The following PCDH15 variants were observed in gnomAD, a reference collection of about 807,000 sequenced individuals.
PCDH15 encodes the protein protocadherin-15.
Under a neutral mutation model 178.5 loss-of-function variants are expected in PCDH15, and 129 were observed. That is an observed-to-expected ratio of 0.72 (90% confidence interval 0.63 to 0.84). The LOEUF (loss-of-function observed/expected upper bound fraction) is 0.84. Ranked by LOEUF, PCDH15 falls within the 40% of genes least tolerant of loss-of-function variation. The pLI is 0.00. For synonymous variants in PCDH15, 800 were observed against 732.0 expected (o/e 1.09, Z -1.50); for missense variants, 2,230 against 2,099.9 (o/e 1.06, Z -1.21).
chr10:54,459,546 T>G lies in PCDH15; in HGVS notation c.157+68266A>C, dbSNP rs560925417. Among the ~76,000 whole-genome samples the G allele has an allele frequency of 2.2e-3, 335 of 152,176 alleles. 2 individuals carry two copies. Among genetic ancestry groups the G allele is most frequent in the African/African-American group, 7.7e-3 (320 of 41,538 alleles). On this transcript the variant is annotated intron_variant, in intron 3 of 37. Coordinates refer to ENST00000644397, the MANE Select transcript of PCDH15 (RefSeq NM_001384140.1). The stretch of plus-strand genomic sequence containing the variant: ...CTTAGGTTATTTGGAGAAAAATGAC[T>G]TAATATAATTAGTCCCATAATGTAA...
chr10:53,824,808 A>ATCTATAAATAGGTTTCTATTTATAGATT (rs1220018903), intron 32 of PCDH15, among the ~76,000 whole-genome samples: 8 of 152,112 alleles, frequency 5.3e-5, no homozygotes, highest in Non-Finnish European at 1.2e-4. Context: ...ACTAAAAGAA[A>ATCTATAAATAGGTTTCTATTTATAGATT]TCTATAAATA....
intron 1 of PCDH15, among the ~76,000 whole-genome samples, chr10:54,711,500 C>T (rs533022911): frequency 6.6e-5 from 10 of 151,848 alleles, no homozygotes; most frequent in South Asian, 6.2e-4. Context: ...ATAAGGACAA[C>T]GTACAAAATC....
chr10:54,101,465 A>C (rs956550659), intron 15 of PCDH15, among the ~76,000 whole-genome samples: 4 of 152,218 alleles, frequency 2.6e-5, no homozygotes, highest in Non-Finnish European at 4.4e-5. Context: ...ATTCACAACT[A>C]ATACTTAGCA....
At chr10:54,022,435 T>TGTTATA (rs2092952663) in intron 19 of PCDH15, among the ~76,000 whole-genome samples, 1 of 150,076 alleles carries the variant, frequency 6.7e-6, no homozygotes, top group Non-Finnish European at 1.5e-5. Context: ...TACACATTTA[T>TGTTATA]GTTATATATG....
At chr10:53,886,927 T>C (rs1174467362) in intron 26 of PCDH15, among the ~76,000 whole-genome samples, 1 of 152,192 alleles carries the variant, frequency 6.6e-6, no homozygotes, top group Non-Finnish European at 1.5e-5. Context: ...TTGGGCTCTT[T>C]ATCAACGCCC....
intron 8 of PCDH15, among the ~76,000 whole-genome samples, chr10:54,308,139 T>TA (rs2060667585): frequency 6.6e-6 from 1 of 152,098 alleles, no homozygotes; most frequent in Non-Finnish European, 1.5e-5. Context: ...CAAACTATCT[T>TA]ACGCTGTGAT....
intron 23 of PCDH15, among the ~76,000 whole-genome samples, chr10:53,957,327 CAA>C (rs974499860): frequency 2.6e-5 from 4 of 152,002 alleles, no homozygotes; most frequent in African/African-American, 7.2e-5. Flanking sequence ...TAGTGAGAAA[CAA>C]AGTGAGTTTA....
chr10:54,437,988 C>T (rs761505822), intron 3 of PCDH15, among the ~76,000 whole-genome samples: 2 of 152,162 alleles, frequency 1.3e-5, no homozygotes, highest in South Asian at 2.1e-4. Flanking sequence ...AATTTCCAAA[C>T]ACACTTTCAA....
chr10:55,587,640 AAGG>A (rs1480728737), intron 2 of PCDH15, among the ~76,000 whole-genome samples: 1 of 152,206 alleles, frequency 6.6e-6, no homozygotes, highest in Non-Finnish European at 1.5e-5. Context: ...TTAAAAGAAA[AAGG>A]AGACTTCTCA....
At chr10:54,583,495 GA>G (rs2091217412) in intron 2 of PCDH15, among the ~76,000 whole-genome samples, 1 of 151,934 alleles carries the variant, frequency 6.6e-6, no homozygotes, top group African/African-American at 2.4e-5. Flanking sequence ...TATAAGGAGA[GA>G]GATATGCTAG....
At chr10:54,383,664 T>TGTG (rs71007843) in intron 3 of PCDH15, among the ~76,000 whole-genome samples, 40 of 150,028 alleles carry the variant, frequency 2.7e-4, no homozygotes, top group Non-Finnish European at 3.9e-4. Flanking sequence ...TGTGTGTGTG[T>TGTG]TTCAACATAA....
chr10:55,034,170 G>C (rs568156789), intron 2 of PCDH15, among the ~76,000 whole-genome samples: 1 of 152,244 alleles, frequency 6.6e-6, no homozygotes, highest in South Asian at 2.1e-4. Context: ...ATAGAGTTCA[G>C]AGTGATAAAT....
intron 3 of PCDH15, among the ~76,000 whole-genome samples, chr10:54,818,151 A>G (rs932100023): frequency 6.6e-6 from 1 of 151,938 alleles, no homozygotes; most frequent in Non-Finnish European, 1.5e-5. Context: ...CTACCTATTT[A>G]TCACAATTCA....
chr10:54,814,333 T>A (rs1952915479), intron 3 of PCDH15, among the ~76,000 whole-genome samples: 1 of 152,192 alleles, frequency 6.6e-6, no homozygotes, highest in African/African-American at 2.4e-5. Context: ...AAATTCATTT[T>A]AAAAAGTTTC....
chr10:54,380,666 T>TATATATATATATGCTCC, intron 3 of PCDH15, among the ~76,000 whole-genome samples: 1 of 66,556 alleles, frequency 1.5e-5, no homozygotes, highest in East Asian at 3.3e-4. Flanking sequence ...TATATATATA[T>TATATATATATATGCTCC]ATATGCTCCA....
At chr10:54,421,690 A>ATATATATATGTATG (rs1301759947) in intron 3 of PCDH15, among the ~76,000 whole-genome samples, 1 of 110,968 alleles carries the variant, frequency 9.0e-6, no homozygotes, top group Non-Finnish European at 1.8e-5. Flanking sequence ...ATATATATAT[A>ATATATATATGTATG]TATACACACA....
At chr10:55,209,925 G>A (rs1840515992) in intron 1 of PCDH15, among the ~76,000 whole-genome samples, 1 of 151,980 alleles carries the variant, frequency 6.6e-6, no homozygotes, top group Non-Finnish European at 1.5e-5. Context: ...AGGAGACAGA[G>A]GAGGAACAAG....
intron 2 of PCDH15, among the ~76,000 whole-genome samples, chr10:55,057,022 G>T (rs964552150): frequency 1.3e-5 from 2 of 151,976 alleles, no homozygotes; most frequent in Non-Finnish European, 2.9e-5. Flanking sequence ...AATCACAATT[G>T]ATTAGTAAGT....
intron 3 of PCDH15, among the ~76,000 whole-genome samples, chr10:54,851,709 C>T (rs1224346938): frequency 6.6e-6 from 1 of 152,106 alleles, no homozygotes; most frequent in Admixed American, 6.6e-5. Flanking sequence ...ATTCTCCTGC[C>T]TTAGCCTCCC....
Sources: allele counts gnomAD v4.1 joint callset (sites outside exome capture counted in the v4.1 genomes callset), GRCh38; gene constraint gnomAD v4.1.1; transcripts MANE v1.5; gene names NCBI Gene and HGNC (gene_info 2026-07-23, HGNC 2026-07-21).